The following PCDH7 variants were observed in gnomAD, a reference collection of about 807,000 sequenced individuals.
PCDH7 encodes protocadherin 7.
A neutral mutation model predicts 58.9 loss-of-function variants in PCDH7; 17 were observed. The ratio of observed to expected loss-of-function variants is 0.29; its 90% CI spans 0.20 to 0.43. The LOEUF (loss-of-function observed/expected upper bound fraction) is 0.43, where lower values mean the gene tolerates loss of function less well. PCDH7 is among the 20% of genes least tolerant of loss of function. The pLI is 1.00. For synonymous variants in PCDH7, 664 were observed against 616.4 expected (o/e 1.08, Z -1.14); for missense variants, 1,274 against 1,441.0 (o/e 0.88, Z 1.88).
At chr4:30,742,459 A>G (rs1318140963) in intron 1 of PCDH7, among the ~76,000 whole-genome samples, 4 of 152,142 alleles carry the variant, frequency 2.6e-5, no homozygotes, top group Admixed American at 1.3e-4. Flanking sequence ...GAAAAAACAA[A>G]TTGATCCATA....
chr4:30,721,249 C>T lies in PCDH7; in HGVS notation c.-174C>T. The stretch of plus-strand genomic sequence containing the variant: ...AGCATCTATCGCTGCCCTCCCACCC[C>T]CATTCCCGGCCAACTCTCCACGCCG... On this transcript the variant is annotated 5_prime_UTR_variant, in exon 1 of 2. Transcript: ENST00000361762. This position sits in a 1 kb window ranked among gnomAD's most constrained non-coding sequence, Gnocchi z 6.7. The T allele has an allele frequency of 3.4e-6, 2 of 584,666 alleles. No individual in the cohort carries two copies. Among genetic ancestry groups the T allele is most frequent in the Non-Finnish European group, 5.9e-6 (2 of 339,686 alleles). The allele number at this position is 584,666 out of a possible 1,614,324, so 36.2% of individuals were successfully genotyped here.
intron 3 of PCDH7, among the ~76,000 whole-genome samples, chr4:31,131,581 A>G (rs1294843925): frequency 1.3e-5 from 2 of 151,486 alleles, no homozygotes; most frequent in Admixed American, 6.6e-5. Flanking sequence ...CCTTAACAGT[A>G]TTTCAGAACT....
intron 1 of PCDH7, among the ~76,000 whole-genome samples, chr4:30,865,932 T>C (rs1319726764): frequency 1.3e-5 from 2 of 152,100 alleles, no homozygotes; most frequent in African/African-American, 4.8e-5. Context: ...TCTTATCCTC[T>C]TGTTCGAATT....
intron 3 of PCDH7, among the ~76,000 whole-genome samples, chr4:31,037,132 A>T (rs1034694890): frequency 6.6e-6 from 1 of 151,964 alleles, no homozygotes; most frequent in African/African-American, 2.4e-5. Context: ...CCTCTCCAAC[A>T]TCATCTCCTG....
At position 30,723,651 on chromosome 4, in the gene PCDH7, C is replaced by T. The variant is rs1714138825; in HGVS notation, c.2229C>T (p.Thr743=). 1 of 1,614,146 alleles carries T rather than the reference C, an allele frequency of 6.2e-7. No individual in the cohort carries two copies. The highest frequency in any genetic ancestry group is 8.5e-7 in the Non-Finnish European group (1 of 1,180,032). Residue 743 remains threonine, a synonymous_variant, in exon 1 of 2, where the codon ACC becomes ACT. Coordinates refer to ENST00000361762, the Ensembl canonical transcript of PCDH7. This position sits in a 1 kb window ranked among gnomAD's most constrained non-coding sequence, Gnocchi z 4.6. ...AAAATGACAATGCTCCCACAGTTACCCTTCCCAAAAACATTTCCTACACTT... is the reference window on the plus strand; with the variant it reads ...AAAATGACAATGCTCCCACAGTTACTCTTCCCAAAAACATTTCCTACACTT...
At chr4:31,082,467 T>C (rs1036418881) in intron 3 of PCDH7, among the ~76,000 whole-genome samples, 1 of 152,192 alleles carries the variant, frequency 6.6e-6, no homozygotes, top group Non-Finnish European at 1.5e-5. Flanking sequence ...ATTCAGATAC[T>C]TATCAAATTT....
At chr4:31,104,815 T>G (rs1025082605) in intron 3 of PCDH7, among the ~76,000 whole-genome samples, 1 of 152,216 alleles carries the variant, frequency 6.6e-6, no homozygotes, top group Non-Finnish European at 1.5e-5. Context: ...AGCTGAAGTA[T>G]GAGCGTATTG....
intron 2 of PCDH7, among the ~76,000 whole-genome samples, chr4:30,944,227 A>G (rs73109752): frequency 0.015 from 2,253 of 152,238 alleles, 51 homozygotes; most frequent in African/African-American, 0.05. Flanking sequence ...GATAATCCAG[A>G]TATCCTCTAG....
At chr4:31,047,700 T>G (rs376965829) in intron 3 of PCDH7, among the ~76,000 whole-genome samples, 1 of 152,122 alleles carries the variant, frequency 6.6e-6, no homozygotes, top group Admixed American at 6.6e-5. Context: ...TGATGTTGCT[T>G]TGTCAAGTTT....
chr4:30,748,678 A>C (rs1245660622), intron 1 of PCDH7, among the ~76,000 whole-genome samples: 1 of 152,208 alleles, frequency 6.6e-6, no homozygotes, highest in Non-Finnish European at 1.5e-5. Context: ...TTGGGGCGAC[A>C]CATTCAAACC....
At chr4:30,895,173 G>T (rs1428840354) in intron 1 of PCDH7, among the ~76,000 whole-genome samples, 1 of 150,856 alleles carries the variant, frequency 6.6e-6, no homozygotes, top group Non-Finnish European at 1.5e-5. Context: ...TACCAGTTTT[G>T]TTCCCATAGC....
intron 3 of PCDH7, among the ~76,000 whole-genome samples, chr4:31,005,464 T>C (rs889125259): frequency 6.6e-6 from 1 of 152,054 alleles, no homozygotes; most frequent in African/African-American, 2.4e-5. Context: ...ACAGATCAGC[T>C]GGAAAGGGAG....
intron 3 of PCDH7, among the ~76,000 whole-genome samples, chr4:31,077,873 G>C (rs2109262922): frequency 6.6e-6 from 1 of 152,252 alleles, no homozygotes; most frequent in South Asian, 2.1e-4. Flanking sequence ...CAGAAATCTA[G>C]AGAATCAAAG....
intron 3 of PCDH7, among the ~76,000 whole-genome samples, chr4:30,951,319 C>T (rs1050550332): frequency 4.6e-5 from 7 of 152,132 alleles, no homozygotes; most frequent in South Asian, 2.1e-4. Flanking sequence ...CATTGGAATA[C>T]GGGAGAAATT....
chr4:30,722,010 G>A lies in PCDH7; in HGVS notation c.588G>A (p.Arg196=). 7.9e-7 allele frequency: 1 copy of A among 1,264,154 alleles called. No individual in the cohort carries two copies. Among genetic ancestry groups the A allele is most frequent in the Non-Finnish European group, 9.9e-7 (1 of 1,007,890 alleles). The allele number at this position is 1,264,154 out of a possible 1,614,324, so 78.3% of individuals were successfully genotyped here. The change falls in exon 1 of 2, where the codon CGG becomes CGA. Residue 196 remains arginine, a synonymous_variant. Coordinates refer to ENST00000361762, the Ensembl canonical transcript of PCDH7. This position sits in a 1 kb window ranked among gnomAD's most constrained non-coding sequence, Gnocchi z 7.6. ...GCGGCGGCAGCGGCGGCGAGAGCCG[G>A]CGCGCCGGGGCGGCCGACAGCGCCC...
At chr4:31,082,847 A>G (rs1395115760) in intron 3 of PCDH7, among the ~76,000 whole-genome samples, 2 of 152,188 alleles carry the variant, frequency 1.3e-5, no homozygotes, top group Non-Finnish European at 2.9e-5. Flanking sequence ...CAGGCCTGTA[A>G]TCCCAGCACT....
chr4:30,816,654 A>T (rs1292724653), intron 1 of PCDH7, among the ~76,000 whole-genome samples: 1 of 152,124 alleles, frequency 6.6e-6, no homozygotes, highest in Non-Finnish European at 1.5e-5. Flanking sequence ...TTTAGGCAAT[A>T]GAAGTCACAA....
intron 3 of PCDH7, among the ~76,000 whole-genome samples, chr4:30,962,978 C>T (rs11938163): frequency 0.62 from 93,386 of 151,818 alleles, 29,982 homozygotes; most frequent in African/African-American, 0.81. Context: ...AGGAATAAGT[C>T]ACATTGTCAT....
At chr4:31,051,138 T>G (rs1756699236) in intron 3 of PCDH7, among the ~76,000 whole-genome samples, 1 of 152,156 alleles carries the variant, frequency 6.6e-6, no homozygotes, top group Admixed American at 6.6e-5. Context: ...AGCCACTCTT[T>G]GTTTAAGGTC....
Sources: allele counts gnomAD v4.1 joint callset (sites outside exome capture counted in the v4.1 genomes callset), GRCh38; gene constraint gnomAD v4.1.1; non-coding constraint Gnocchi (gnomAD v3.1); transcripts MANE v1.5; gene names NCBI Gene and HGNC (gene_info 2026-07-23, HGNC 2026-07-21).